The following PDE4D variants were observed in gnomAD, a reference collection of about 807,000 sequenced individuals.
PDE4D encodes phosphodiesterase 4D, also known as 3',5'-cyclic-AMP phosphodiesterase 4D.
PDE4D carries 24 observed loss-of-function variants against 87.4 expected under a neutral mutation model. That is an observed-to-expected ratio of 0.27 (90% CI 0.20 to 0.39). PDE4D has a LOEUF of 0.39. PDE4D is among the 10% of genes least tolerant of loss of function. The pLI, the probability that PDE4D is intolerant of heterozygous loss-of-function variation, is 1.00. For synonymous variants in PDE4D, 384 were observed against 383.2 expected, an observed-to-expected ratio of 1.00 and a Z score of -0.02; for missense variants, 714 against 1,041.0, an observed-to-expected ratio of 0.69 and a Z score of 4.32.
At chr5:59,645,781 TG>T (rs1335756902) in intron 1 of PDE4D, among the ~76,000 whole-genome samples, 2 of 152,196 alleles carry the variant, frequency 1.3e-5, no homozygotes, top group Non-Finnish European at 1.5e-5. Flanking sequence ...AGTTCACAAA[TG>T]AAAGACATTT....
At chr5:59,029,126 G>C (rs906102740) in intron 6 of PDE4D, among the ~76,000 whole-genome samples, 2 of 151,852 alleles carry the variant, frequency 1.3e-5, no homozygotes, top group Non-Finnish European at 2.9e-5. Flanking sequence ...AAAATACTTA[G>C]GAGCAGCCAG....
intron 1 of PDE4D, among the ~76,000 whole-genome samples, chr5:59,479,821 C>T (rs896857764): frequency 4.6e-5 from 7 of 151,944 alleles, no homozygotes; most frequent in East Asian, 1.9e-4. Flanking sequence ...TGATACTCTT[C>T]GACAATGTCA....
At chr5:59,021,796 C>T (rs907844935) in intron 6 of PDE4D, among the ~76,000 whole-genome samples, 3 of 152,122 alleles carry the variant, frequency 2.0e-5, no homozygotes, top group South Asian at 2.1e-4. Context: ...CATTTTTCAT[C>T]TTCTATTCCA....
intron 1 of PDE4D, among the ~76,000 whole-genome samples, chr5:59,631,553 A>G (rs532300115): frequency 7.8e-4 from 119 of 152,236 alleles, no homozygotes; most frequent in Non-Finnish European, 1.4e-3. Context: ...TACCCAGCTC[A>G]TCTCACTGGA....
intron 1 of PDE4D, among the ~76,000 whole-genome samples, chr5:59,288,064 G>A (rs1465262494): frequency 6.6e-6 from 1 of 151,798 alleles, no homozygotes; most frequent in Non-Finnish European, 1.5e-5. Flanking sequence ...AGACAACAAC[G>A]AACATCCACA....
At chr5:59,668,763 A>C in intron 1 of PDE4D, among the ~76,000 whole-genome samples, 1 of 143,940 alleles carries the variant, frequency 6.9e-6, no homozygotes, top group East Asian at 2.0e-4. Context: ...AGAAAGAAGA[A>C]AGAAGAAGAA....
chr5:59,935,981 A>G (rs2152793770), intron 3 of PDE4D, among the ~76,000 whole-genome samples: 1 of 152,338 alleles, frequency 6.6e-6, no homozygotes, highest in Admixed American at 6.5e-5. Context: ...CAGTAACAGA[A>G]TGGCTGGGTC....
At chr5:60,172,265 T>TATAC (rs1554175625) in intron 2 of PDE4D, among the ~76,000 whole-genome samples, 1 of 140,964 alleles carries the variant, frequency 7.1e-6, no homozygotes, top group Non-Finnish European at 1.5e-5. Flanking sequence ...AGTACTTCAA[T>TATAC]ACACACACAC....
At chr5:59,575,391 AT>A (rs138955491) in intron 1 of PDE4D, among the ~76,000 whole-genome samples, 161 of 152,348 alleles carry the variant, frequency 1.1e-3, no homozygotes, top group African/African-American at 3.6e-3. Context: ...AAGATAAAAC[AT>A]ACATATCTTC....
chr5:59,779,452 A>G (rs188249732), intron 1 of PDE4D, among the ~76,000 whole-genome samples: 16 of 152,230 alleles, frequency 1.1e-4, no homozygotes, highest in Admixed American at 7.8e-4. Flanking sequence ...TGAGACATGA[A>G]ATTTTTATTT....
intron 5 of PDE4D, among the ~76,000 whole-genome samples, chr5:59,051,199 G>A (rs529474459): frequency 2.6e-4 from 39 of 152,206 alleles, no homozygotes; most frequent in Non-Finnish European, 5.1e-4. Context: ...TGGCAAAACC[G>A]CATCTCTACT....
intron 1 of PDE4D, among the ~76,000 whole-genome samples, chr5:60,259,867 T>C (rs772062839): frequency 1.7e-4 from 26 of 152,046 alleles, no homozygotes; most frequent in Admixed American, 1.3e-4. Flanking sequence ...GGTGTTTTAC[T>C]GTATTTCTGG....
At chr5:60,259,473 C>T (rs1391598681) in intron 1 of PDE4D, among the ~76,000 whole-genome samples, 1 of 152,044 alleles carries the variant, frequency 6.6e-6, no homozygotes, top group Admixed American at 6.6e-5. Flanking sequence ...GTAAGAACCA[C>T]CTGCAAAGCT....
At chr5:59,787,541 A>G (rs1338121973) in intron 1 of PDE4D, among the ~76,000 whole-genome samples, 2 of 152,188 alleles carry the variant, frequency 1.3e-5, no homozygotes, top group Non-Finnish European at 2.9e-5. Flanking sequence ...CTTTATTATC[A>G]TCTGTAATAT....
chr5:60,493,724 A>C (rs1230664948), intron 1 of PDE4D, among the ~76,000 whole-genome samples: 1 of 152,156 alleles, frequency 6.6e-6, no homozygotes, highest in Non-Finnish European at 1.5e-5. Flanking sequence ...ACCCAGGCTC[A>C]CACACAGAGC....
At chr5:59,236,675 T>TAC (rs1756503712) in intron 1 of PDE4D, among the ~76,000 whole-genome samples, 1 of 152,104 alleles carries the variant, frequency 6.6e-6, no homozygotes, top group African/African-American at 2.4e-5. Context: ...CAGGCTATAT[T>TAC]ACACCACCTT....
At chr5:60,108,545 T>C (rs538204607) in intron 2 of PDE4D, among the ~76,000 whole-genome samples, 1 of 152,310 alleles carries the variant, frequency 6.6e-6, no homozygotes, top group East Asian at 1.9e-4. Flanking sequence ...AGAGCTCGCG[T>C]TGCCAAATGA....
chr5:59,211,499 TTC>T lies in PDE4D; in HGVS notation c.647+4276_647+4277del, dbSNP rs572582496. 1.3e-4 allele frequency among the ~76,000 whole-genome samples: 20 copies of T among 152,316 alleles called. No homozygotes were observed. The East Asian group carries it at 3.3e-3, about 25-fold the overall frequency. On this transcript the variant is annotated intron_variant, in intron 2 of 14. Transcript: ENST00000340635. ...TTTAATGAATTTGGTCAACAATTACTTCTGTTTCTCAGCAGTTTTTGCTGTAG... is the reference window on the plus strand; with the variant it reads ...TTTAATGAATTTGGTCAACAATTACTTGTTTCTCAGCAGTTTTTGCTGTAG...
intron 5 of PDE4D, among the ~76,000 whole-genome samples, chr5:59,160,344 T>G (rs1025596209): frequency 1.2e-4 from 18 of 152,176 alleles, no homozygotes; most frequent in Non-Finnish European, 2.6e-4. Context: ...CTCCTTATAT[T>G]TTTTGTAACT....
Sources: allele counts gnomAD v4.1 joint callset (sites outside exome capture counted in the v4.1 genomes callset), GRCh38; gene constraint gnomAD v4.1.1; transcripts MANE v1.5; gene names NCBI Gene and HGNC (gene_info 2026-07-23, HGNC 2026-07-21).